The following TOGARAM2 variants were observed in gnomAD, a reference collection of about 807,000 sequenced individuals.
TOGARAM2 encodes the protein TOG array regulator of axonemal microtubules 2, also known as TOG array regulator of axonemal microtubules protein 2.
Under a neutral mutation model 93.3 loss-of-function variants are expected in TOGARAM2, and 85 were observed. That is an observed-to-expected ratio of 0.91 (90% CI 0.76 to 1.09). The LOEUF (loss-of-function observed/expected upper bound fraction) is 1.09, where lower values mean the gene tolerates loss of function less well. Ranked by LOEUF, TOGARAM2 falls within the 50% of genes least tolerant of loss-of-function variation. The pLI, the probability that TOGARAM2 is intolerant of heterozygous loss-of-function variation, is 0.00. For missense variants in TOGARAM2, 1,277 were observed against 1,334.5 expected, an observed-to-expected ratio of 0.96 and a Z score of 0.67; for synonymous variants, 593 against 552.8, an observed-to-expected ratio of 1.07 and a Z score of -1.02.
At chr2:29,009,300 C>G (rs941875772) in intron 6 of TOGARAM2, among the ~76,000 whole-genome samples, 2 of 152,166 alleles carry the variant, frequency 1.3e-5, no homozygotes, top group Non-Finnish European at 2.9e-5. Context: ...GGGTGAAGGG[C>G]CTGTGTGCCA....
In TOGARAM2 at chr2:28,994,377, G is replaced by A. The variant is rs114808120; in HGVS notation, c.-110-348G>A. ...TTTCAGGGCAGCTGGCGGACTCAGG[G>A]GCATCTGAAGCAAATTGAAACTGAT... On this transcript the variant is annotated intron_variant, in intron 1 of 19. Transcript: ENST00000379558. Among the ~76,000 whole-genome samples, 915 of 152,274 alleles carry A rather than the reference G, an allele frequency of 6.0e-3. 10 individuals are homozygous for A. The highest frequency in any genetic ancestry group is 0.02 in the African/African-American group (845 of 41,532).
At chr2:28,962,364 C>T (rs889032236) in intron 1 of TOGARAM2, among the ~76,000 whole-genome samples, 9 of 151,896 alleles carry the variant, frequency 5.9e-5, no homozygotes, top group Non-Finnish European at 7.4e-5. Flanking sequence ...TTGGTAGAGA[C>T]GGAGTTTCAG....
At chr2:28,996,447 G>C (rs1316612538) in intron 2 of TOGARAM2, among the ~76,000 whole-genome samples, 1 of 152,030 alleles carries the variant, frequency 6.6e-6, no homozygotes, top group Non-Finnish European at 1.5e-5. Flanking sequence ...CTGCCTCTGT[G>C]AGACTGACTT....
chr2:29,002,546 T>C lies in TOGARAM2; in HGVS notation c.438T>C (p.Asp146=). The C allele has an allele frequency of 6.2e-7, 1 of 1,613,350 alleles. No homozygotes were observed. Among genetic ancestry groups the C allele is most frequent in the Non-Finnish European group, 8.5e-7 (1 of 1,179,728 alleles). Residue 146 remains aspartate, a synonymous_variant, in exon 5 of 20, where the codon GAT becomes GAC. Transcript: ENST00000379558. The part of the protein sequence containing the change: ...GLAASSRASL[D]PGGGPQGVPL... Reference sequence around the variant, plus strand: ...CCCATCCCTGTACAGCCTCTCTGGATCCAGGGGGAGGCCCCCAAGGAGTTC... The same window carrying C: ...CCCATCCCTGTACAGCCTCTCTGGACCCAGGGGGAGGCCCCCAAGGAGTTC...
chr2:28,999,564 C>A, intron 4 of TOGARAM2, 96 bp downstream of exon 4: 1 of 1,391,602 alleles, frequency 7.2e-7, no homozygotes, highest in Non-Finnish European at 9.6e-7. Flanking sequence ...TTCCAGGTGG[C>A]ATGCTGGGAT....
chr2:28,976,930 TG>T (rs948187581), upstream of TOGARAM2, among the ~76,000 whole-genome samples: 3 of 150,758 alleles, frequency 2.0e-5, no homozygotes, highest in African/African-American at 7.3e-5. Context: ...TTGGAGGGGG[TG>T]GGGCAGTGGT....
intron 6 of TOGARAM2, among the ~76,000 whole-genome samples, chr2:29,010,139 C>T (rs1664146161): frequency 6.6e-6 from 1 of 152,076 alleles, no homozygotes; most frequent in South Asian, 2.1e-4. Context: ...TTTTGGCATC[C>T]TGTGCTCACC....
intron 9 of TOGARAM2, 41 bp from the exon 10 acceptor site, chr2:29,017,751 A>G (rs765844528): frequency 8.5e-6 from 13 of 1,532,608 alleles, no homozygotes; most frequent in Middle Eastern, 1.7e-4. Context: ...GCCAGGGGAA[A>G]ACAGACCTGC....
intron 14 of TOGARAM2, among the ~76,000 whole-genome samples, chr2:29,027,719 G>A (rs1020727311): frequency 2.0e-5 from 3 of 152,158 alleles, no homozygotes; most frequent in Non-Finnish European, 4.4e-5. Context: ...AGTTGGTGGG[G>A]GGGCTGCTTT....
intron 18 of TOGARAM2, among the ~76,000 whole-genome samples, chr2:29,044,453 C>T (rs989398206): frequency 2.0e-5 from 3 of 152,138 alleles, no homozygotes; most frequent in East Asian, 1.9e-4. Context: ...CAGAGCCAGC[C>T]GGGTGCTTCT....
chr2:29,005,802 G>C (rs1295657069), intron 6 of TOGARAM2, among the ~76,000 whole-genome samples: 1 of 150,742 alleles, frequency 6.6e-6, no homozygotes, highest in Non-Finnish European at 1.5e-5. Context: ...ATGTGTATGA[G>C]TGCATGTGTG....
At chr2:28,999,026 T>G (rs1428004420) in intron 3 of TOGARAM2, among the ~76,000 whole-genome samples, 155 bp from the exon 4 acceptor site, 1 of 152,140 alleles carries the variant, frequency 6.6e-6, no homozygotes, top group African/African-American at 2.4e-5. Flanking sequence ...GTCGAATGAA[T>G]GACTCGTCCC....
intron 18 of TOGARAM2, among the ~76,000 whole-genome samples, chr2:29,043,116 G>C (rs551182151): frequency 6.6e-6 from 1 of 152,176 alleles, no homozygotes; most frequent in Non-Finnish European, 1.5e-5. Context: ...AAACAAACAG[G>C]TGCCATTCAT....
At chr2:29,003,818 C>T in intron 6 of TOGARAM2, 136 bp downstream of exon 6, 2 of 865,558 alleles carry the variant, frequency 2.3e-6, no homozygotes, top group Non-Finnish European at 1.7e-6. Flanking sequence ...GGGCTGGGGG[C>T]TCCACCCATG....
At chr2:28,963,369 G>A (rs11900819) in intron 1 of TOGARAM2, among the ~76,000 whole-genome samples, 3,653 of 152,160 alleles carry the variant, frequency 0.024, 167 homozygotes, top group African/African-American at 0.084. Flanking sequence ...CTTGGCAAAT[G>A]TTTTTGTTTT....
intron 1 of TOGARAM2, among the ~76,000 whole-genome samples, chr2:28,966,136 G>A (rs1671863585): frequency 6.6e-6 from 1 of 151,854 alleles, no homozygotes; most frequent in South Asian, 2.1e-4. Context: ...GATTACAGGT[G>A]TGCGCCACCA....
At chr2:29,013,414 C>T (rs1664368525) in intron 7 of TOGARAM2, among the ~76,000 whole-genome samples, 1 of 152,174 alleles carries the variant, frequency 6.6e-6, no homozygotes, top group Non-Finnish European at 1.5e-5. Context: ...AAGGTGAAGT[C>T]CCACAGGCGG....
At chr2:29,017,993 T>G (rs1215956445) in intron 10 of TOGARAM2, 37 bp downstream of exon 10, 1 of 1,539,540 alleles carries the variant, frequency 6.5e-7, no homozygotes. Context: ...CGTGTCCCTC[T>G]GCCCATGCTG....
chr2:28,988,964 G>A (rs1264800233), intron 1 of TOGARAM2, among the ~76,000 whole-genome samples: 1 of 152,080 alleles, frequency 6.6e-6, no homozygotes, highest in African/African-American at 2.4e-5. Flanking sequence ...ACCCCCTTAG[G>A]GTCTCCCCTT....
Sources: gnomAD v4.1 joint callset for allele counts (sites outside exome capture counted in the v4.1 genomes callset) on GRCh38, gnomAD v4.1.1 for gene constraint, MANE v1.5 for transcripts, NCBI Gene and HGNC (gene_info 2026-07-23, HGNC 2026-07-21) for gene names.